Variants in GABRA2 observed in about 807,000 individuals in gnomAD.
The protein encoded by GABRA2 is gamma-aminobutyric acid receptor subunit alpha-2.
In GABRA2, 16 loss-of-function variants were observed where a neutral mutation model predicts 48.7. That is an observed-to-expected ratio of 0.33 (90% confidence interval 0.22 to 0.50). The LOEUF is 0.50. Among genes scored for constraint, GABRA2 ranks in the 20% least tolerant of loss-of-function variants. The probability of loss-of-function intolerance (pLI) is 0.98; values close to 1 mark genes in which losing one functional copy is unlikely to be tolerated. For missense variants in GABRA2, 275 were observed against 535.6 expected, an observed-to-expected ratio of 0.51 and a Z score of 4.80; for synonymous variants, 185 against 184.5, an observed-to-expected ratio of 1.00 and a Z score of -0.02.
chr4:46,293,073 C>T lies in GABRA2; in HGVS notation c.856+10387G>A, dbSNP rs1474494372. On this transcript the variant is annotated intron_variant, in intron 8 of 9. Transcript: ENST00000381620. The stretch of plus-strand genomic sequence containing the variant: ...CAGCAGCTATCAGAATAATCTGAAT[C>T]GTGTAGAGCTCTGGCATTGGCTAAT... Among the ~76,000 whole-genome samples, 6 of 152,092 alleles carry T rather than the reference C, an allele frequency of 3.9e-5. No individual in the cohort carries two copies. The South Asian group carries it at 8.3e-4, about 21-fold the overall frequency.
At chr4:46,266,045 A>G (rs1015996169) in intron 8 of GABRA2, among the ~76,000 whole-genome samples, 3 of 151,774 alleles carry the variant, frequency 2.0e-5, no homozygotes, top group East Asian at 1.9e-4. Context: ...TAATAATTCA[A>G]TCTTCGAATT....
At chr4:46,388,584 GA>G (rs1445236887) in intron 2 of GABRA2, 51 bp downstream of exon 2, 1 of 1,600,616 alleles carries the variant, frequency 6.2e-7, no homozygotes, top group Admixed American at 1.7e-5. Context: ...TGGCCTACAA[GA>G]AACACATCTT....
rs531558992 is a variant in GABRA2 at position 46,284,870 on chromosome 4, G to A, written c.856+18590C>T. Among the ~76,000 whole-genome samples, 7 of 151,898 alleles carry A rather than the reference G, an allele frequency of 4.6e-5. No homozygotes were observed. In the East Asian group the frequency reaches 5.8e-4, roughly 13 times the overall value. On this transcript the variant is annotated intron_variant, in intron 8 of 9. Coordinates refer to ENST00000381620, the MANE Select transcript of GABRA2 (RefSeq NM_000807.4). ...AAAACTTGTGTGGATTACCCACAACGTAAAGCTTTGGACTTAGGGGAAGTG... is the reference window on the plus strand; with the variant it reads ...AAAACTTGTGTGGATTACCCACAACATAAAGCTTTGGACTTAGGGGAAGTG...
chr4:46,338,569 A>G (rs1732667099), intron 3 of GABRA2, among the ~76,000 whole-genome samples: 1 of 151,948 alleles, frequency 6.6e-6, no homozygotes, highest in African/African-American at 2.4e-5. Flanking sequence ...AATAAATTCA[A>G]TATATCTCTT....
intron 8 of GABRA2, among the ~76,000 whole-genome samples, chr4:46,284,437 T>C (rs1577901450): frequency 6.6e-6 from 1 of 152,200 alleles, no homozygotes; most frequent in Admixed American, 6.5e-5. Flanking sequence ...GGCTTACTTT[T>C]TGTTCAAGGA....
chr4:46,304,457 GT>G (rs913293896), intron 7 of GABRA2, among the ~76,000 whole-genome samples: 8 of 151,290 alleles, frequency 5.3e-5, no homozygotes, highest in Non-Finnish European at 1.2e-4. Context: ...ACACAGCTGG[GT>G]TTTTTTGTTT....
At chr4:46,278,687 G>GT (rs1361447155) in intron 8 of GABRA2, among the ~76,000 whole-genome samples, 1 of 152,028 alleles carries the variant, frequency 6.6e-6, no homozygotes, top group African/African-American at 2.4e-5. Context: ...CATATAATGA[G>GT]TATGTGAGCC....
At chr4:46,358,640 T>C (rs1016784802) in intron 3 of GABRA2, among the ~76,000 whole-genome samples, 1 of 152,184 alleles carries the variant, frequency 6.6e-6, no homozygotes, top group Non-Finnish European at 1.5e-5. Flanking sequence ...ACATGTTTGC[T>C]GGGTTAGTTC....
At chr4:46,290,680 G>A (rs778950155) in intron 8 of GABRA2, among the ~76,000 whole-genome samples, 2 of 151,702 alleles carry the variant, frequency 1.3e-5, no homozygotes, top group African/African-American at 4.8e-5. Flanking sequence ...GTTTATTTTG[G>A]CATATATATA....
At chr4:46,353,290 AC>A (rs1416650393) in intron 3 of GABRA2, among the ~76,000 whole-genome samples, 1 of 151,974 alleles carries the variant, frequency 6.6e-6, no homozygotes, top group African/African-American at 2.4e-5. Flanking sequence ...TACTGCTCCC[AC>A]CCTGGTCCAA....
At chr4:46,257,798 A>G (rs1716135490) in intron 9 of GABRA2, among the ~76,000 whole-genome samples, 1 of 151,626 alleles carries the variant, frequency 6.6e-6, no homozygotes, top group African/African-American at 2.4e-5. Context: ...AAAGTATGAG[A>G]GATGGTGAAA....
rs1030832356 is a variant in GABRA2 at position 46,377,635 on chromosome 4, C to T, written c.187+8439G>A. On this transcript the variant is annotated intron_variant, in intron 3 of 9. Transcript: ENST00000381620. ...TCAGCCCCCCGCCCGGCTAGCCGCCCGGTCCAGGAGGTGAGGGGCGCCTCT... is the reference window on the plus strand; with the variant it reads ...TCAGCCCCCCGCCCGGCTAGCCGCCTGGTCCAGGAGGTGAGGGGCGCCTCT... Among the ~76,000 whole-genome samples the T allele has an allele frequency of 6.0e-5, 9 of 150,106 alleles. No individual in the cohort carries two copies. In the South Asian group the frequency reaches 8.4e-4, roughly 14 times the overall value.
rs1713164888 is a variant in GABRA2, at chr4:46,243,642, A to G, written c.*6666T>C. The G allele has an allele frequency of 6.6e-6, 1 of 151,658 alleles. No individual in the cohort carries two copies. Among genetic ancestry groups the G allele is most frequent in the African/African-American group, 2.4e-5 (1 of 41,536 alleles). The allele number at this position is 151,658 out of a possible 1,614,324, so 9.4% of individuals were successfully genotyped here. On this transcript the variant is annotated 3_prime_UTR_variant, in exon 10 of 10. Coordinates refer to ENST00000381620, the MANE Select transcript of GABRA2 (RefSeq NM_000807.4). ...ATTTTTTAAACAGCAAGCATGACAT[A>G]TTCAATAAAGGTCATATGATCAACT...
At chr4:46,288,974 T>C (rs1469064367) in intron 8 of GABRA2, among the ~76,000 whole-genome samples, 2 of 152,050 alleles carry the variant, frequency 1.3e-5, no homozygotes, top group African/African-American at 4.8e-5. Context: ...TCATTGATGA[T>C]TAGAGAAATG....
At chr4:46,315,938 T>TACACACAC (rs746345628) in intron 4 of GABRA2, among the ~76,000 whole-genome samples, 3 of 140,734 alleles carry the variant, frequency 2.1e-5, no homozygotes, top group South Asian at 2.1e-4. Context: ...ATTTAGTACA[T>TACACACAC]ATATACACAC....
intron 9 of GABRA2, among the ~76,000 whole-genome samples, chr4:46,260,205 C>T (rs566309783): frequency 1.3e-5 from 2 of 151,816 alleles, no homozygotes. Flanking sequence ...GAAATGAGAA[C>T]AAGCAATGTC....
At chr4:46,338,696 G>T (rs1732693558) in intron 3 of GABRA2, among the ~76,000 whole-genome samples, 1 of 151,736 alleles carries the variant, frequency 6.6e-6, no homozygotes, top group African/African-American at 2.4e-5. Context: ...TTGGAAAGTT[G>T]CAATTTCCCA....
chr4:46,319,601 CA>C (rs1181254739), intron 4 of GABRA2, among the ~76,000 whole-genome samples: 1 of 151,656 alleles, frequency 6.6e-6, no homozygotes, highest in Non-Finnish European at 1.5e-5. Flanking sequence ...AACAGATCAG[CA>C]AAGGGCCAGT....
intron 8 of GABRA2, among the ~76,000 whole-genome samples, chr4:46,287,268 A>C (rs1208020726): frequency 7.1e-6 from 1 of 141,110 alleles, no homozygotes; most frequent in Admixed American, 7.5e-5. Context: ...GTTGGCAGGT[A>C]GCGTGATTCC....
Sources: allele counts gnomAD v4.1 joint callset (sites outside exome capture counted in the v4.1 genomes callset), GRCh38; gene constraint gnomAD v4.1.1; transcripts MANE v1.5; gene names NCBI Gene and HGNC (gene_info 2026-07-23, HGNC 2026-07-21).